The following FNBP1 variants were observed in gnomAD, a reference collection of about 807,000 sequenced individuals.
FNBP1 encodes formin binding protein 1.
In FNBP1, 26 loss-of-function variants were observed where a neutral mutation model predicts 90.6. The observed-to-expected ratio is 0.29, with a 90% confidence interval of 0.21 to 0.40. The LOEUF is 0.40. Among genes scored for constraint, FNBP1 ranks in the 10% least tolerant of loss-of-function variants. The pLI is 1.00. For synonymous variants in FNBP1, 260 were observed against 265.2 expected (o/e 0.98, Z 0.19); for missense variants, 635 against 768.0 (o/e 0.83, Z 2.05).
At chr9:130,044,083 A>G (rs2060027874), upstream of FNBP1, among the ~76,000 whole-genome samples, 1 of 152,192 alleles carries the variant, frequency 6.6e-6, no homozygotes, top group Non-Finnish European at 1.5e-5. Flanking sequence ...CTCCCTCTCT[A>G]TATATCCAAA....
intron 6 of FNBP1, among the ~76,000 whole-genome samples, chr9:129,939,612 A>G (rs561115132): frequency 3.3e-5 from 5 of 152,074 alleles, no homozygotes; most frequent in Non-Finnish European, 7.4e-5. Context: ...CTTCTAAAAT[A>G]CAAAAGCTTC....
At position 129,915,441 on chromosome 9, in the gene FNBP1, T is replaced by C. The variant is rs537239582; in HGVS notation, c.1185+525A>G. Among the ~76,000 whole-genome samples, 12 of 152,290 alleles carry C rather than the reference T, an allele frequency of 7.9e-5. No individual in the cohort carries two copies. In the South Asian group the frequency reaches 1.9e-3, roughly 24 times the overall value. ...GTCCAGTGGTATAATCTCGGCTCAC[T>C]GCACCCTTCACCTCCCGGGTTCAAG... On this transcript the variant is annotated intron_variant, in intron 11 of 16. Transcript: ENST00000446176.
At chr9:129,991,259 G>T (rs2053108830) in intron 2 of FNBP1, among the ~76,000 whole-genome samples, 1 of 150,396 alleles carries the variant, frequency 6.6e-6, no homozygotes, top group Non-Finnish European at 1.5e-5. Flanking sequence ...GGAAAATCTA[G>T]GTCGTGGAAA....
chr9:130,036,893 A>G (rs954583728), intron 1 of FNBP1, among the ~76,000 whole-genome samples: 2 of 150,538 alleles, frequency 1.3e-5, no homozygotes, highest in African/African-American at 4.9e-5. Context: ...AAAATACAAA[A>G]AATTAGCCGG....
chr9:129,900,426 C>T lies in FNBP1; in HGVS notation c.1550G>A (p.Ser517Asn), dbSNP rs751833858. ...GGCAGGCGCTGTGCAGATACTGTAC[C>T]TCTCACGGTCCTGGGCGCAGTTGTT... ...TVNNCAQDRESPDGSYTEEQS... is the reference protein window; with the variant it reads ...TVNNCAQDRENPDGSYTEEQS... The change falls in exon 14 of 17, where the codon AGC becomes AAC. Residue 517 changes from serine (S) to asparagine (N), a missense_variant and splice_region_variant. By Grantham distance (46) the Ser-to-Asn change is conservative (BLOSUM62 1). Transcript: ENST00000446176. This position sits in a 1 kb window ranked among gnomAD's most constrained non-coding sequence, Gnocchi z 4.1. The T allele has an allele frequency of 1.3e-6, 2 of 1,582,246 alleles. No homozygotes were observed. Among genetic ancestry groups the T allele is most frequent in the Non-Finnish European group, 1.7e-6 (2 of 1,166,742 alleles).
intron 2 of FNBP1, among the ~76,000 whole-genome samples, chr9:129,985,732 C>G (rs972781246): frequency 1.3e-5 from 2 of 152,032 alleles, no homozygotes; most frequent in Non-Finnish European, 2.9e-5. Context: ...GAGGCCGAGG[C>G]AGGTGGATCA....
At chr9:130,007,238 T>C (rs1440244336) in intron 1 of FNBP1, among the ~76,000 whole-genome samples, 2 of 4,874 alleles carry the variant, frequency 4.1e-4, no homozygotes, top group Non-Finnish European at 5.8e-4. Context: ...TGAGATCCTG[T>C]CAAAAAAAAA....
the FNBP1 span, among the ~76,000 whole-genome samples, chr9:130,050,335 G>T: frequency 6.6e-6 from 1 of 152,116 alleles, no homozygotes; most frequent in Non-Finnish European, 1.5e-5. Context: ...CTGTCCTGTG[G>T]CTGAGCAAGT....
chr9:130,042,893 G>T lies in FNBP1; in HGVS notation c.24+59C>A. On this transcript the variant is annotated intron_variant, in intron 1 of 16. Coordinates refer to ENST00000446176, the MANE Select transcript of FNBP1 (RefSeq NM_015033.3). The surrounding 1 kb of genome is among the most constrained non-coding windows in gnomAD (Gnocchi z 5.5). ...AGCGCGGCCCGCGCCCCCTCCCCAG[G>T]CCGCGGGGAAACGCAGCGCGCGCCC... is the stretch of plus-strand genomic sequence containing the variant. 8.6e-7 allele frequency: 1 copy of T among 1,166,098 alleles called. No homozygotes were observed. The highest frequency in any genetic ancestry group is 1.1e-6 in the Non-Finnish European group (1 of 928,374). The allele number at this position is 1,166,098 out of a possible 1,614,324, so 72.2% of individuals were successfully genotyped here. A position where few individuals can be genotyped will look rare whatever the true frequency, so the allele number is the denominator to read the frequency against.
chr9:129,990,938 T>TTTG lies in FNBP1; in HGVS notation c.140+3904_140+3905insCAA, dbSNP rs555203274. The stretch of plus-strand genomic sequence containing the variant: ...AGATGATGATGACACCAGGGTTTTT[T>TTTG]TTTTTTTTTTTTTGAGATGGAGTCT... On this transcript the variant is annotated intron_variant, in intron 2 of 16. Coordinates refer to ENST00000446176, the MANE Select transcript of FNBP1 (RefSeq NM_015033.3). Among the ~76,000 whole-genome samples, 5 of 150,242 alleles carry TTTG rather than the reference T, an allele frequency of 3.3e-5. No individual in the cohort carries two copies. In the South Asian group the frequency reaches 1.1e-3, roughly 32 times the overall value.
At chr9:130,047,985 A>G (rs1037983521), upstream of FNBP1, among the ~76,000 whole-genome samples, 5 of 152,092 alleles carry the variant, frequency 3.3e-5, no homozygotes, top group East Asian at 9.7e-4. Flanking sequence ...GCCTTCTGCA[A>G]GTTACTTACA....
chr9:129,904,936 A>G (rs1485396964), intron 12 of FNBP1, among the ~76,000 whole-genome samples: 1 of 152,216 alleles, frequency 6.6e-6, no homozygotes, highest in East Asian at 1.9e-4. Context: ...TAAACATTTA[A>G]AAATCATGTT....
chr9:129,980,301 G>A (rs112488870), intron 2 of FNBP1, among the ~76,000 whole-genome samples: 2,615 of 150,586 alleles, frequency 0.017, 28 homozygotes, highest in African/African-American at 0.021. Flanking sequence ...AGGAGGTTTC[G>A]GTGAGCCGAG....
At chr9:129,990,338 T>TAAGGGA (rs1223559271) in intron 2 of FNBP1, among the ~76,000 whole-genome samples, 1 of 152,142 alleles carries the variant, frequency 6.6e-6, no homozygotes, top group Non-Finnish European at 1.5e-5. Flanking sequence ...CTAAGTGGGC[T>TAAGGGA]AAGGGACGAG....
intron 6 of FNBP1, 49 bp from the exon 7 acceptor site, chr9:129,929,744 A>T (rs998982610): frequency 3.8e-6 from 6 of 1,593,274 alleles, no homozygotes; most frequent in African/African-American, 1.3e-5. Context: ...CATAGATAAA[A>T]GCCTGGGTGC....
At chr9:130,050,869 C>A in the FNBP1 span, among the ~76,000 whole-genome samples, 1 of 148,498 alleles carries the variant, frequency 6.7e-6, no homozygotes, top group Non-Finnish European at 1.5e-5. Context: ...CTCTGTCGCA[C>A]AGGCTGGAGT....
At chr9:130,000,130 C>T (rs2054606219) in intron 1 of FNBP1, among the ~76,000 whole-genome samples, 1 of 152,156 alleles carries the variant, frequency 6.6e-6, no homozygotes, top group African/African-American at 2.4e-5. Context: ...TCCACTGGTC[C>T]ACCTTACATT....
chr9:130,004,191 A>G (rs1347929673), intron 1 of FNBP1, among the ~76,000 whole-genome samples: 1 of 151,856 alleles, frequency 6.6e-6, no homozygotes, highest in Non-Finnish European at 1.5e-5. Flanking sequence ...TGAACCTGGG[A>G]CGTAGATGTT....
chr9:130,010,764 CTTTT>C lies in FNBP1; in HGVS notation c.25-15810_25-15807del, dbSNP rs111591184. 2.1e-5 allele frequency among the ~76,000 whole-genome samples: 3 copies of C among 140,566 alleles called. No homozygotes were observed. In the East Asian group the frequency reaches 6.3e-4, roughly 30 times the overall value. The allele number at this position is 140,566 out of a possible 152,430, so 92.2% of individuals were successfully genotyped here. ...TTGTCTAAGCCACTTTTCTTTGGGT[CTTTT>C]TTTTTTTTTTGTCTCCTTCCAAAAT... On this transcript the variant is annotated intron_variant, in intron 1 of 16. Coordinates refer to ENST00000446176, the MANE Select transcript of FNBP1 (RefSeq NM_015033.3).
Sources: allele counts gnomAD v4.1 joint callset (sites outside exome capture counted in the v4.1 genomes callset), GRCh38; gene constraint gnomAD v4.1.1; non-coding constraint Gnocchi (gnomAD v3.1); transcripts MANE v1.5; gene names NCBI Gene and HGNC (gene_info 2026-07-23, HGNC 2026-07-21).